Variants in PTPRG observed in about 807,000 individuals in gnomAD.
The protein encoded by PTPRG is receptor-type tyrosine-protein phosphatase gamma.
A neutral mutation model predicts 165.3 loss-of-function variants in PTPRG; 102 were observed. The ratio of observed to expected loss-of-function variants is 0.62; its 90% CI spans 0.53 to 0.73. The LOEUF (loss-of-function observed/expected upper bound fraction) is 0.73. PTPRG is among the 30% of genes least tolerant of loss of function. The pLI is 0.00. For synonymous variants in PTPRG, 675 were observed against 669.5 expected (o/e 1.01, Z -0.13); for missense variants, 1,866 against 1,861.4 (o/e 1.00, Z -0.05).
At chr3:62,215,554 C>CG (rs900433559) in intron 12 of PTPRG, among the ~76,000 whole-genome samples, 5 of 143,250 alleles carry the variant, frequency 3.5e-5, no homozygotes, top group Non-Finnish European at 6.2e-5. Flanking sequence ...GAACCCCCCC[C>CG]CCCCGCCAAT....
chr3:61,738,971 CTTTTTTTTTTTTTTTTTTTGTTTT>C (rs1022801249), intron 1 of PTPRG, among the ~76,000 whole-genome samples: 2 of 43,684 alleles, frequency 4.6e-5, no homozygotes, highest in Non-Finnish European at 9.1e-5. Flanking sequence ...TGCTCTGTTG[CTTTTTTTTTTTTTTTTTTTGTTTT>C]TTTTTTTTTG....
At chr3:61,785,149 C>T (rs2034656231) in intron 2 of PTPRG, among the ~76,000 whole-genome samples, 1 of 152,150 alleles carries the variant, frequency 6.6e-6, no homozygotes, top group African/African-American at 2.4e-5. Context: ...TTCCAAGCCA[C>T]GTTTGTGAAT....
intron 2 of PTPRG, among the ~76,000 whole-genome samples, chr3:61,956,264 G>A (rs1358404964): frequency 7.5e-6 from 1 of 133,810 alleles, no homozygotes; most frequent in South Asian, 2.6e-4. Context: ...GTGCTCACTC[G>A]CGTGCACGCT....
chr3:62,265,847 TAC>T (rs3046596), intron 17 of PTPRG, among the ~76,000 whole-genome samples: 7,292 of 126,552 alleles, frequency 0.058, 313 homozygotes, highest in East Asian at 0.25. Flanking sequence ...CATACATACA[TAC>T]ACACACACAC....
In PTPRG at chr3:62,103,235, G is replaced by A. The variant is rs1023604979; in HGVS notation, c.615+24977G>A. Among the ~76,000 whole-genome samples the A allele has an allele frequency of 3.3e-5, 4 of 120,510 alleles. No individual in the cohort carries two copies. In the South Asian group the frequency reaches 7.7e-4, roughly 23 times the overall value. The allele number at this position is 120,510 out of a possible 152,430, so 79.1% of individuals were successfully genotyped here. A position where few individuals can be genotyped will look rare whatever the true frequency, so the allele number is the denominator to read the frequency against. On this transcript the variant is annotated intron_variant, in intron 5 of 29. Coordinates refer to ENST00000474889, the MANE Select transcript of PTPRG (RefSeq NM_002841.4). Reference sequence around the variant, plus strand: ...TGTGGCATGCTTGGACTCATAGCACGCGGAAAGGAAGCCTGTCTTGTGCAT... The same window carrying A: ...TGTGGCATGCTTGGACTCATAGCACACGGAAAGGAAGCCTGTCTTGTGCAT...
In PTPRG at chr3:62,083,287, A is replaced by G. The variant is rs192853599; in HGVS notation, c.615+5029A>G. Among the ~76,000 whole-genome samples the G allele has an allele frequency of 6.0e-3, 894 of 149,448 alleles. 14 individuals are homozygous for G. The highest frequency in any genetic ancestry group is 0.021 in the African/African-American group (829 of 40,244). On this transcript the variant is annotated intron_variant, in intron 5 of 29. Coordinates refer to ENST00000474889, the MANE Select transcript of PTPRG (RefSeq NM_002841.4). The stretch of plus-strand genomic sequence containing the variant: ...TTTTTTTTTCTTCCTTTTTGTGGAG[A>G]ACGGGGTCTCACTATGTTGCTCAGG...
intron 17 of PTPRG, chr3:62,263,118 G>A (rs1197304311): frequency 9.1e-6 from 4 of 439,152 alleles, no homozygotes; most frequent in Non-Finnish European, 1.6e-5. Context: ...TAAGGTGACT[G>A]AAAGAAAATG....
At chr3:61,612,297 C>G (rs1222935595) in intron 1 of PTPRG, among the ~76,000 whole-genome samples, 3 of 152,196 alleles carry the variant, frequency 2.0e-5, no homozygotes, top group Non-Finnish European at 4.4e-5. Flanking sequence ...TGAGAAGGCT[C>G]TCATTTAAAG....
intron 5 of PTPRG, among the ~76,000 whole-genome samples, chr3:62,099,922 C>T (rs573894614): frequency 3.3e-5 from 5 of 151,412 alleles, no homozygotes; most frequent in African/African-American, 7.3e-5. Context: ...CCTCAGCCTC[C>T]GGAGTAGCTG....
intron 1 of PTPRG, among the ~76,000 whole-genome samples, chr3:61,601,524 T>C (rs1343476394): frequency 6.6e-6 from 1 of 152,246 alleles, no homozygotes; most frequent in Non-Finnish European, 1.5e-5. Flanking sequence ...GTGTATTCTT[T>C]TGTTCACTTA....
intron 12 of PTPRG, among the ~76,000 whole-genome samples, chr3:62,206,072 C>T (rs1320634215): frequency 6.6e-6 from 1 of 152,172 alleles, no homozygotes; most frequent in Non-Finnish European, 1.5e-5. Flanking sequence ...GCCTGCTCCT[C>T]TTAAACATTT....
intron 4 of PTPRG, among the ~76,000 whole-genome samples, chr3:62,059,376 C>A (rs920764822): frequency 3.9e-5 from 6 of 152,222 alleles, no homozygotes. Context: ...AGACTCTGAT[C>A]TCATTACCCC....
At chr3:61,967,985 G>A (rs369806026) in intron 2 of PTPRG, among the ~76,000 whole-genome samples, 4 of 152,218 alleles carry the variant, frequency 2.6e-5, no homozygotes, top group Admixed American at 1.3e-4. Context: ...GTCCTCTGGC[G>A]GGGAGATAAA....
chr3:61,922,993 C>A (rs1340449039), intron 2 of PTPRG, among the ~76,000 whole-genome samples: 1 of 152,160 alleles, frequency 6.6e-6, no homozygotes, highest in Non-Finnish European at 1.5e-5. Flanking sequence ...CCCTTATGCC[C>A]CACTACGCCT....
intron 14 of PTPRG, among the ~76,000 whole-genome samples, chr3:62,242,260 C>A (rs1019060853): frequency 1.3e-5 from 2 of 152,128 alleles, no homozygotes; most frequent in African/African-American, 4.8e-5. Flanking sequence ...AAGGCAGCTA[C>A]GCAAAGAGTG....
chr3:61,743,633 C>T (rs1469208402), intron 1 of PTPRG, among the ~76,000 whole-genome samples: 1 of 152,144 alleles, frequency 6.6e-6, no homozygotes, highest in African/African-American at 2.4e-5. Flanking sequence ...TCCAATTTCT[C>T]GCTGTGCTAT....
rs1251348049 is a variant in PTPRG at position 62,275,944 on chromosome 3, C to G, written c.3537C>G (p.Asn1179Lys). 3 of 1,609,950 alleles carry G rather than the reference C, an allele frequency of 1.9e-6. No individual in the cohort carries two copies. The highest frequency in any genetic ancestry group is 1.7e-5 in the Admixed American group (1 of 59,840). ...SAQKECNKEKNRNSSVVPSER... is the reference protein window; with the variant it reads ...SAQKECNKEKKRNSSVVPSER... ...AGAAAGAGTGTAACAAAGAAAAGAA[C>G]AGAAACTCTTCAGTTGTGCCATGTA... Residue 1179 changes from asparagine (N) to lysine (K), a missense_variant, in exon 24 of 30, where the codon AAC becomes AAG. By Grantham distance (94) the Asn-to-Lys change is moderately conservative. Around this residue, in one of 3 missense-constraint regions of PTPRG, gnomAD observed 1,452 missense variants for 1,463.0 expected, o/e 0.99. Coordinates refer to ENST00000474889, the MANE Select transcript of PTPRG (RefSeq NM_002841.4).
intron 8 of PTPRG, among the ~76,000 whole-genome samples, chr3:62,173,466 G>C (rs1705298131): frequency 6.6e-6 from 1 of 152,158 alleles, no homozygotes; most frequent in South Asian, 2.1e-4. Context: ...GTAGTTTACT[G>C]ACCCCCACTC....
At chr3:61,699,858 C>G (rs142347939) in intron 1 of PTPRG, among the ~76,000 whole-genome samples, 2 of 152,304 alleles carry the variant, frequency 1.3e-5, no homozygotes, top group Non-Finnish European at 2.9e-5. Context: ...TTGCATAAAA[C>G]TGAAACACTT....
Sources: allele counts gnomAD v4.1 joint callset (sites outside exome capture counted in the v4.1 genomes callset), GRCh38; gene constraint gnomAD v4.1.1; regional missense constraint gnomAD v4.1.1; transcripts MANE v1.5; gene names NCBI Gene and HGNC (gene_info 2026-07-23, HGNC 2026-07-21).